DNAAF11: variants seen among roughly 807,000 people sequenced by gnomAD.
DNAAF11 encodes the protein leucine rich repeat containing 6.
Under a neutral mutation model 60.8 loss-of-function variants are expected in DNAAF11, and 45 were observed. The observed-to-expected ratio is 0.74, with a 90% CI of 0.58 to 0.95. DNAAF11 has a LOEUF of 0.95. Ranked by LOEUF, DNAAF11 falls within the 40% of genes least tolerant of loss-of-function variation. The pLI is 0.00. For synonymous variants in DNAAF11, 191 were observed against 183.5 expected (o/e 1.04, Z -0.33); for missense variants, 546 against 546.2 (o/e 1.00, Z 0.00).
chr8:132,618,591 A>G (rs1295675292), intron 7 of DNAAF11, among the ~76,000 whole-genome samples: 25 of 130,766 alleles, frequency 1.9e-4, no homozygotes, highest in South Asian at 2.8e-4. Flanking sequence ...GAACTCAAAC[A>G]AATTTACAAG....
At chr8:132,690,818 T>C in the DNAAF11 span, among the ~76,000 whole-genome samples, 1 of 152,224 alleles carries the variant, frequency 6.6e-6, no homozygotes, top group South Asian at 2.1e-4. Flanking sequence ...GATTGACTGC[T>C]GTGTTTCTTG....
chr8:132,578,810 C>G (rs949369733), intron 11 of DNAAF11, among the ~76,000 whole-genome samples: 1 of 152,210 alleles, frequency 6.6e-6, no homozygotes, highest in Non-Finnish European at 1.5e-5. Flanking sequence ...GGCCTGAAGT[C>G]ACCTTTGCCC....
intron 5 of DNAAF11, among the ~76,000 whole-genome samples, chr8:132,626,316 G>C (rs891949323): frequency 6.6e-6 from 1 of 152,120 alleles, no homozygotes; most frequent in East Asian, 1.9e-4. Context: ...CTCCCAAAGC[G>C]CTGGCATTAC....
chr8:132,621,074 T>A (rs55724482), intron 7 of DNAAF11, among the ~76,000 whole-genome samples: 11,290 of 152,122 alleles, frequency 0.074, 1,139 homozygotes, highest in African/African-American at 0.23. Context: ...CAGGGTGATG[T>A]AGATGACTGC....
intron 3 of DNAAF11, chr8:132,643,447 A>G: frequency 2.9e-6 from 1 of 340,966 alleles, no homozygotes; most frequent in Non-Finnish European, 5.8e-6. Flanking sequence ...CAGGTAGGAT[A>G]AGAAAGGCCA....
intron 5 of DNAAF11, among the ~76,000 whole-genome samples, chr8:132,630,667 A>G (rs1820708201): frequency 6.6e-6 from 1 of 152,198 alleles, no homozygotes; most frequent in African/African-American, 2.4e-5. Context: ...TCCAGAATCT[A>G]AAAGAACTCT....
intron 10 of DNAAF11, among the ~76,000 whole-genome samples, chr8:132,600,753 C>T (rs988438443): frequency 6.6e-6 from 1 of 152,160 alleles, no homozygotes; most frequent in African/African-American, 2.4e-5. Context: ...CCCTTCCTTA[C>T]ACCTTAACAA....
At chr8:132,646,451 A>T (rs964148810) in intron 3 of DNAAF11, among the ~76,000 whole-genome samples, 5 of 152,224 alleles carry the variant, frequency 3.3e-5, no homozygotes, top group Non-Finnish European at 5.9e-5. Flanking sequence ...TAACCAGCTA[A>T]CATCATAATG....
At chr8:132,573,637 TCA>T (rs1814445819) in intron 11 of DNAAF11, among the ~76,000 whole-genome samples, 1 of 152,078 alleles carries the variant, frequency 6.6e-6, no homozygotes, top group Non-Finnish European at 1.5e-5. Context: ...CTAAAGAAAA[TCA>T]CAGTCAATCA....
intron 3 of DNAAF11, among the ~76,000 whole-genome samples, chr8:132,649,783 G>C (rs1822810269): frequency 6.6e-6 from 1 of 152,150 alleles, no homozygotes; most frequent in African/African-American, 2.4e-5. Context: ...ATCATCACTG[G>C]CCATCAGAGA....
In DNAAF11 at chr8:132,661,574, A is replaced by G. The variant is rs1317599528; in HGVS notation, c.64T>C (p.Ser22Pro). 4 of 1,613,770 alleles carry G rather than the reference A, an allele frequency of 2.5e-6. No homozygotes were observed. The Admixed American group carries it at 5.0e-5, about 20-fold the overall frequency. ...TGATGCAACGAGAGTTCCTCCAGGGAAAAAATGACACAGTCGTTGTGTTCA... is the reference window on the plus strand; with the variant it reads ...TGATGCAACGAGAGTTCCTCCAGGGGAAAAATGACACAGTCGTTGTGTTCA... ...NAEHNDCVIF[S>P]LEELSLHQQE... The change falls in exon 2 of 12, where the codon TCC (serine) becomes CCC (proline). Residue 22 changes from serine to proline, a missense_variant. Coordinates refer to ENST00000620350, the MANE Select transcript of DNAAF11 (RefSeq NM_012472.6).
At chr8:132,574,105 G>A (rs569691616) in intron 11 of DNAAF11, among the ~76,000 whole-genome samples, 6 of 152,256 alleles carry the variant, frequency 3.9e-5, no homozygotes, top group African/African-American at 7.2e-5. Context: ...CAGATGCCTC[G>A]GTGCCACAAT....
At chr8:132,664,300 T>C (rs933395677) in intron 1 of DNAAF11, among the ~76,000 whole-genome samples, 1 of 152,204 alleles carries the variant, frequency 6.6e-6, no homozygotes, top group African/African-American at 2.4e-5. Context: ...CATACTGCCA[T>C]GTGGGACTTT....
chr8:132,625,633 T>A (rs1451301302), intron 5 of DNAAF11, among the ~76,000 whole-genome samples, 179 bp from the exon 6 acceptor site: 1 of 152,160 alleles, frequency 6.6e-6, no homozygotes, highest in Non-Finnish European at 1.5e-5. Context: ...TGTAGTGAGA[T>A]CAACCCAAGG....
rs1212245717 is a variant in DNAAF11 at position 132,571,483 on chromosome 8, G to A, written c.*823C>T. 6.6e-6 allele frequency among the ~76,000 whole-genome samples: 1 copy of A among 151,964 alleles called. No homozygotes were observed. The stretch of plus-strand genomic sequence containing the variant: ...AAGAAGGAAATAGAGGAGAAGGAGT[G>A]GGATGGGGAGTAAAAAGGTGAAGAA... On this transcript the variant is annotated 3_prime_UTR_variant, in exon 12 of 12. Transcript: ENST00000620350.
intron 3 of DNAAF11, among the ~76,000 whole-genome samples, chr8:132,644,063 TTTCTATTAAATTAA>T (rs1822121979): frequency 6.6e-6 from 1 of 152,178 alleles, no homozygotes; most frequent in Non-Finnish European, 1.5e-5. Context: ...AAAATAATTA[TTTCTATTAAATTAA>T]TAAAAACATG....
At position 132,570,823 on chromosome 8, in the gene DNAAF11, GA is replaced by G. The variant is rs1814114193; in HGVS notation, c.*1482del. ...CCACCAGGATCTTGGCCACGGACCA[GA>G]AGGGTAGCAGATAAATAGAGGCAAC... On this transcript the variant is annotated 3_prime_UTR_variant, in exon 12 of 12. Transcript: ENST00000620350. 1.3e-5 allele frequency among the ~76,000 whole-genome samples: 2 copies of G among 152,204 alleles called. No individual in the cohort carries two copies. The highest frequency in any genetic ancestry group is 4.1e-4 in the South Asian group (2 of 4,826).
At chr8:132,637,167 G>T (rs1489768319) in intron 4 of DNAAF11, among the ~76,000 whole-genome samples, 2 of 152,176 alleles carry the variant, frequency 1.3e-5, no homozygotes, top group Non-Finnish European at 2.9e-5. Context: ...GTCAAATGAG[G>T]TTCCTGCACC....
intron 1 of DNAAF11, among the ~76,000 whole-genome samples, chr8:132,670,179 G>T (rs981971719): frequency 6.6e-6 from 1 of 151,696 alleles, no homozygotes; most frequent in African/African-American, 2.4e-5. Flanking sequence ...GAAATGAAAA[G>T]CAGAAAAAAA....
Sources: gnomAD v4.1 joint callset for allele counts (sites outside exome capture counted in the v4.1 genomes callset) on GRCh38, gnomAD v4.1.1 for gene constraint, MANE v1.5 for transcripts, NCBI Gene and HGNC (gene_info 2026-07-23, HGNC 2026-07-21) for gene names.